Variants in PHLPP2 observed in about 807,000 individuals in gnomAD.
PHLPP2 encodes PH domain and leucine rich repeat protein phosphatase 2.
In PHLPP2, 66 loss-of-function variants were observed where a neutral mutation model predicts 124.9. The ratio of observed to expected loss-of-function variants is 0.53; its 90% confidence interval spans 0.43 to 0.65. PHLPP2 has a LOEUF of 0.65. Ranked by LOEUF, PHLPP2 falls within the 30% of genes least tolerant of loss-of-function variation. The pLI is 0.00. For missense variants in PHLPP2, 1,685 were observed against 1,600.4 expected, an observed-to-expected ratio of 1.05 and a Z score of -0.90; for synonymous variants, 681 against 624.7, an observed-to-expected ratio of 1.09 and a Z score of -1.34.
chr16:71,673,164 G>A (rs1322535686), intron 9 of PHLPP2, among the ~76,000 whole-genome samples: 2 of 152,132 alleles, frequency 1.3e-5, no homozygotes, highest in Non-Finnish European at 2.9e-5. Context: ...GTACTTCTGT[G>A]AACATATTTG....
At chr16:71,713,453 C>A (rs1354877061) in intron 2 of PHLPP2, among the ~76,000 whole-genome samples, 1 of 152,064 alleles carries the variant, frequency 6.6e-6, no homozygotes, top group Non-Finnish European at 1.5e-5. Flanking sequence ...TCCTTTGACC[C>A]AGCAGTTCCA....
intron 5 of PHLPP2, among the ~76,000 whole-genome samples, chr16:71,684,185 G>A (rs1438313990): frequency 6.7e-6 from 1 of 149,870 alleles, no homozygotes; most frequent in Non-Finnish European, 1.5e-5. Context: ...GAGTGCAGTG[G>A]CGCGATGTCG....
intron 2 of PHLPP2, among the ~76,000 whole-genome samples, chr16:71,712,591 G>A (rs2145381060): frequency 6.6e-6 from 1 of 152,312 alleles, no homozygotes; most frequent in East Asian, 1.9e-4. Context: ...CAGAATCAGT[G>A]TTAAGACTTA....
intron 1 of PHLPP2, among the ~76,000 whole-genome samples, chr16:71,718,370 G>C (rs186077100): frequency 6.6e-6 from 1 of 152,038 alleles, no homozygotes; most frequent in Non-Finnish European, 1.5e-5. Context: ...ACAAGGTCAG[G>C]AGTTCGAGAC....
At chr16:71,651,374 T>C (rs1054344332) in intron 18 of PHLPP2, among the ~76,000 whole-genome samples, 5 of 150,066 alleles carry the variant, frequency 3.3e-5, no homozygotes, top group Non-Finnish European at 7.4e-5. Context: ...CTAAACATTA[T>C]CCAAATTCTA....
intron 15 of PHLPP2, among the ~76,000 whole-genome samples, chr16:71,656,886 A>G (rs1401236299): frequency 6.6e-6 from 1 of 151,874 alleles, no homozygotes; most frequent in East Asian, 1.9e-4. Context: ...AGCAGCTGAG[A>G]TTACAGGTGT....
At chr16:71,650,786 A>T (rs2044690416) in intron 18 of PHLPP2, among the ~76,000 whole-genome samples, 1 of 152,230 alleles carries the variant, frequency 6.6e-6, no homozygotes, top group African/African-American at 2.4e-5. Flanking sequence ...CTGGGAGAAG[A>T]CCTGAGCTTA....
chr16:71,654,204 GAAA>G (rs765826548), intron 17 of PHLPP2, among the ~76,000 whole-genome samples: 3 of 72,360 alleles, frequency 4.1e-5, no homozygotes, highest in Non-Finnish European at 7.7e-5. Flanking sequence ...TCTCAAAAAA[GAAA>G]AAAAAAAAAA....
At chr16:71,719,369 C>T (rs2045383020) in intron 1 of PHLPP2, among the ~76,000 whole-genome samples, 1 of 152,090 alleles carries the variant, frequency 6.6e-6, no homozygotes, top group Non-Finnish European at 1.5e-5. Context: ...AACCCCGTCT[C>T]TATTAAAAAT....
At chr16:71,698,525 G>A (rs1407240025) in intron 3 of PHLPP2, 15 of 709,316 alleles carry the variant, frequency 2.1e-5, no homozygotes, top group Non-Finnish European at 3.6e-5. Flanking sequence ...AGCCTAGACT[G>A]GGGATAGCAC....
intron 13 of PHLPP2, among the ~76,000 whole-genome samples, chr16:71,662,529 A>G (rs1157479456): frequency 2.0e-5 from 3 of 152,128 alleles, no homozygotes; most frequent in African/African-American, 7.2e-5. Flanking sequence ...ACTCCAATCA[A>G]GTTTCTCCTG....
At chr16:71,707,024 G>A (rs1343890917) in intron 2 of PHLPP2, among the ~76,000 whole-genome samples, 3 of 134,100 alleles carry the variant, frequency 2.2e-5, no homozygotes, top group Non-Finnish European at 4.6e-5. Context: ...CGCAATCTCG[G>A]CTCACTGCAG....
At chr16:71,655,504 T>C (rs1215435188) in intron 16 of PHLPP2, 70 bp from the exon 17 acceptor site, 1 of 189,106 alleles carries the variant, frequency 5.3e-6, no homozygotes, top group Non-Finnish European at 9.4e-6. Context: ...GGGAGCATTC[T>C]TTTTTTTTTT....
At chr16:71,714,902 T>A in intron 1 of PHLPP2, 101 bp from the exon 2 acceptor site, 1 of 1,425,316 alleles carries the variant, frequency 7.0e-7, no homozygotes, top group Non-Finnish European at 9.3e-7. Flanking sequence ...TTCCCCAACA[T>A]TCTGCTCAAG....
intron 2 of PHLPP2, among the ~76,000 whole-genome samples, chr16:71,705,307 T>C (rs1403135817): frequency 6.6e-6 from 1 of 152,148 alleles, no homozygotes; most frequent in Middle Eastern, 3.2e-3. Context: ...TAATTCCATA[T>C]AAGGACCACG....
intron 8 of PHLPP2, 90 bp from the exon 9 acceptor site, chr16:71,676,739 T>C: frequency 1.1e-6 from 1 of 928,476 alleles, no homozygotes; most frequent in Non-Finnish European, 1.7e-6. Flanking sequence ...ACAGGTATGA[T>C]CCCTTTCTCT....
chr16:71,675,053 T>C (rs1009441001), intron 9 of PHLPP2, among the ~76,000 whole-genome samples: 2 of 152,168 alleles, frequency 1.3e-5, no homozygotes, highest in African/African-American at 2.4e-5. Context: ...ATACATCTCC[T>C]TGTGCACATG....
intron 11 of PHLPP2, 62 bp downstream of exon 11, chr16:71,669,213 T>C (rs1014766662): frequency 1.3e-5 from 15 of 1,196,952 alleles, no homozygotes; most frequent in Non-Finnish European, 7.2e-6. Context: ...TAGAAAAAAA[T>C]TTAAATACGC....
In PHLPP2 at chr16:71,676,513, G is replaced by T. The variant is rs142034690; in HGVS notation, c.1405C>A (p.Arg469=). 5.0e-5 allele frequency: 80 copies of T among 1,614,116 alleles called. No individual in the cohort carries two copies. The highest frequency in any genetic ancestry group is 2.8e-4 in the African/African-American group (21 of 75,058). The stretch of plus-strand genomic sequence containing the variant: ...AGTGTTAGCTCCCTCAGCTGATTCC[G>T]CCCACAGTGCAGCTGTTCCAAGCTG... ...LCSLEQLHCG[R]NQLRELTLSG... is the part of the protein sequence containing the mutation. Residue 469 remains arginine, a synonymous_variant, in exon 9 of 19, where the codon CGG becomes AGG. Transcript: ENST00000568954.
Sources: gnomAD v4.1 joint callset for allele counts (sites outside exome capture counted in the v4.1 genomes callset) on GRCh38, gnomAD v4.1.1 for gene constraint, MANE v1.5 for transcripts, NCBI Gene and HGNC (gene_info 2026-07-23, HGNC 2026-07-21) for gene names.